The following GLCCI1 variants were observed in gnomAD, a reference collection of about 807,000 sequenced individuals.
GLCCI1 encodes the protein glucocorticoid-induced transcript 1 protein.
Under a neutral mutation model 52.2 loss-of-function variants are expected in GLCCI1, and 24 were observed. The ratio of observed to expected loss-of-function variants is 0.46; its 90% confidence interval spans 0.33 to 0.65. The LOEUF (loss-of-function observed/expected upper bound fraction) is 0.65, where lower values mean the gene tolerates loss of function less well. Among genes scored for constraint, GLCCI1 ranks in the 30% least tolerant of loss-of-function variants. The pLI, the probability that GLCCI1 is intolerant of heterozygous loss-of-function variation, is 0.02. For synonymous variants in GLCCI1, 310 were observed against 276.5 expected (o/e 1.12, Z -1.20); for missense variants, 704 against 701.5 (o/e 1.00, Z -0.04).
At chr7:8,005,003 T>G (rs73242049) in intron 2 of GLCCI1, among the ~76,000 whole-genome samples, 5,084 of 152,318 alleles carry the variant, frequency 0.033, 267 homozygotes, top group African/African-American at 0.11. Context: ...CTTTATCATC[T>G]GTCTCATCAG....
At chr7:8,031,708 T>A (rs957084502) in intron 3 of GLCCI1, among the ~76,000 whole-genome samples, 42 of 151,468 alleles carry the variant, frequency 2.8e-4, no homozygotes, top group Admixed American at 3.9e-4. Flanking sequence ...AAAATTTTTT[T>A]AAATAAATAT....
intron 3 of GLCCI1, among the ~76,000 whole-genome samples, chr7:8,034,581 G>C (rs1340038320): frequency 6.6e-6 from 1 of 152,142 alleles, no homozygotes; most frequent in Non-Finnish European, 1.5e-5. Flanking sequence ...TCAGAGAAGA[G>C]GATGGCTGAC....
At chr7:8,035,898 G>C (rs1410367492) in intron 3 of GLCCI1, among the ~76,000 whole-genome samples, 1 of 152,214 alleles carries the variant, frequency 6.6e-6, no homozygotes, top group Non-Finnish European at 1.5e-5. Flanking sequence ...GCTAGTGATT[G>C]TGTCCACCAT....
chr7:8,030,308 C>T (rs1197173739), intron 3 of GLCCI1, among the ~76,000 whole-genome samples: 2 of 151,900 alleles, frequency 1.3e-5, no homozygotes, highest in African/African-American at 4.8e-5. Context: ...GACTTCAATC[C>T]ATGGTGCTGG....
intron 6 of GLCCI1, chr7:8,078,867 T>C (rs1322367418): frequency 1.3e-5 from 2 of 152,216 alleles, no homozygotes; most frequent in South Asian, 2.1e-4. Context: ...GAACAGACTT[T>C]AAGGTGACTA....
In GLCCI1 at chr7:7,969,231, A is replaced by T; in HGVS notation, c.-120A>T. 9.7e-6 allele frequency: 4 copies of T among 413,088 alleles called. No individual in the cohort carries two copies. The highest frequency in any genetic ancestry group is 1.0e-5 in the Non-Finnish European group (3 of 294,580). The allele number at this position is 413,088 out of a possible 1,614,324, so 25.6% of individuals were successfully genotyped here. A position where few individuals can be genotyped will look rare whatever the true frequency, so the allele number is the denominator to read the frequency against. Reference sequence around the variant, plus strand: ...CCCGAGACTCCTCCCCCACAGCGATACCCCCGCCCCTCCCCCTTACACACT... The same window carrying T: ...CCCGAGACTCCTCCCCCACAGCGATTCCCCCGCCCCTCCCCCTTACACACT... On this transcript the variant is annotated 5_prime_UTR_variant, in exon 1 of 8. Transcript: ENST00000223145. The surrounding 1 kb of genome is among the most constrained non-coding windows in gnomAD (Gnocchi z 4.9).
At chr7:8,007,905 T>C (rs1281118893) in intron 2 of GLCCI1, among the ~76,000 whole-genome samples, 1 of 152,144 alleles carries the variant, frequency 6.6e-6, no homozygotes, top group African/African-American at 2.4e-5. Context: ...TGTATTCAAA[T>C]CAAGGCCCAC....
chr7:8,037,591 A>G lies in GLCCI1; in HGVS notation c.696+15022A>G, dbSNP rs550157877. ...ATGGGTTAAATGCTCCACTTAAAAGATACAGCTTGGCAGAATTGATTAAAA... is the reference window on the plus strand; with the variant it reads ...ATGGGTTAAATGCTCCACTTAAAAGGTACAGCTTGGCAGAATTGATTAAAA... On this transcript the variant is annotated intron_variant, in intron 3 of 7. Transcript: ENST00000223145. 9.2e-5 allele frequency among the ~76,000 whole-genome samples: 14 copies of G among 152,312 alleles called. 1 individual carries two copies. The highest frequency in any genetic ancestry group is 2.6e-4 in the African/African-American group (11 of 41,576).
intron 1 of GLCCI1, among the ~76,000 whole-genome samples, chr7:7,999,200 A>G (rs1781003206): frequency 2.0e-5 from 3 of 152,104 alleles, no homozygotes; most frequent in Admixed American, 2.0e-4. Context: ...TAAAAATATA[A>G]TAAAAGAAAA....
At chr7:8,001,741 G>A (rs534563814) in intron 1 of GLCCI1, among the ~76,000 whole-genome samples, 163 of 152,228 alleles carry the variant, frequency 1.1e-3, no homozygotes, top group African/African-American at 3.8e-3. Flanking sequence ...AAGAAAATGT[G>A]GCATATATAC....
At chr7:8,054,606 A>G (rs1015221884) in intron 3 of GLCCI1, among the ~76,000 whole-genome samples, 2 of 152,086 alleles carry the variant, frequency 1.3e-5, no homozygotes, top group African/African-American at 4.8e-5. Flanking sequence ...ATATTTAGAT[A>G]ATTTTGGAAT....
intron 3 of GLCCI1, among the ~76,000 whole-genome samples, chr7:8,044,153 G>A (rs200131426): frequency 6.6e-6 from 1 of 151,864 alleles, no homozygotes; most frequent in East Asian, 1.9e-4. Flanking sequence ...CACCATGTTA[G>A]CCAGGATAGT....
chr7:8,063,969 C>A (rs1052021129), intron 5 of GLCCI1, among the ~76,000 whole-genome samples: 2 of 152,050 alleles, frequency 1.3e-5, no homozygotes, highest in Non-Finnish European at 2.9e-5. Flanking sequence ...TTTGCTTGTT[C>A]ATTTGTTTTC....
In GLCCI1 at chr7:8,079,959, T is replaced by C. The variant is rs1052790561; in HGVS notation, c.1178-4938T>C. 8.6e-4 allele frequency among the ~76,000 whole-genome samples: 131 copies of C among 151,706 alleles called. 2 individuals carry two copies. The highest frequency in any genetic ancestry group is 3.0e-3 in the African/African-American group (124 of 41,006). ...GATGTCTTGGTTCATTACAATTCTT[T>C]AGTATTCTCACAAGGTGTTAACTTT... On this transcript the variant is annotated intron_variant, in intron 6 of 7. Transcript: ENST00000223145.
intron 3 of GLCCI1, among the ~76,000 whole-genome samples, chr7:8,054,956 A>C (rs1419774790): frequency 6.6e-6 from 1 of 152,012 alleles, no homozygotes; most frequent in Non-Finnish European, 1.5e-5. Context: ...AATAGCTTTG[A>C]TTCTCCACAA....
At chr7:8,069,161 G>A (rs1036460378) in intron 5 of GLCCI1, among the ~76,000 whole-genome samples, 1 of 152,186 alleles carries the variant, frequency 6.6e-6, no homozygotes, top group Admixed American at 6.5e-5. Context: ...AGGCAGCAGG[G>A]GAAGGGACCT....
rs1380826845 is a variant in GLCCI1, at chr7:8,055,438, C to T, written c.702C>T (p.Ile234=). 2.5e-6 allele frequency: 4 copies of T among 1,610,148 alleles called. No homozygotes were observed. Among genetic ancestry groups the T allele is most frequent in the Admixed American group, 1.7e-5 (1 of 59,962 alleles). The change falls in exon 4 of 8, where the codon ATC becomes ATT. Residue 234 remains isoleucine (I), a synonymous_variant. Transcript: ENST00000223145. ...WGSADQLKEQ[I]AKLRQQLQRS... ...CTCTTTCCCTGTCCCCAAAGCAGAT[C>T]GCCAAACTGAGGCAGCAACTACAAC... is the stretch of plus-strand genomic sequence containing the variant.
intron 1 of GLCCI1, among the ~76,000 whole-genome samples, chr7:7,971,651 T>G (rs1425832042): frequency 6.6e-6 from 1 of 152,202 alleles, no homozygotes; most frequent in Admixed American, 6.5e-5. Context: ...TAGTACAACT[T>G]GTTTTTCTGC....
At chr7:8,030,084 C>CAAAG (rs1182469894) in intron 3 of GLCCI1, among the ~76,000 whole-genome samples, 1 of 152,024 alleles carries the variant, frequency 6.6e-6, no homozygotes, top group African/African-American at 2.4e-5. Context: ...CCAGAATAGC[C>CAAAG]AAAGCTGTCC....
Sources: gnomAD v4.1 joint callset for allele counts (sites outside exome capture counted in the v4.1 genomes callset) on GRCh38, gnomAD v4.1.1 for gene constraint, Gnocchi (gnomAD v3.1) non-coding constraint, MANE v1.5 for transcripts, NCBI Gene and HGNC (gene_info 2026-07-23, HGNC 2026-07-21) for gene names.